LNX2: variants seen among roughly 807,000 people sequenced by gnomAD.
LNX2 encodes the protein ligand of Numb protein X 2.
In LNX2, 35 loss-of-function variants were observed where a neutral mutation model predicts 66.2. That is an observed-to-expected ratio of 0.53 (90% confidence interval 0.40 to 0.70). The LOEUF (loss-of-function observed/expected upper bound fraction) is 0.70, where lower values mean the gene tolerates loss of function less well. Among genes scored for constraint, LNX2 ranks in the 30% least tolerant of loss-of-function variants. LNX2 has a pLI of 0.00. For synonymous variants in LNX2, 337 were observed against 315.6 expected, an observed-to-expected ratio of 1.07 and a Z score of -0.72; for missense variants, 791 against 850.8, an observed-to-expected ratio of 0.93 and a Z score of 0.87.
intron 1 of LNX2, among the ~76,000 whole-genome samples, chr13:27,603,805 G>A (rs1303028826): frequency 6.6e-6 from 1 of 152,016 alleles, no homozygotes; most frequent in East Asian, 1.9e-4. Context: ...AGCTTACAAT[G>A]ACAAACTTCA....
chr13:27,556,451 A>G, intron 6 of LNX2, 38 bp from the exon 7 acceptor site: 1 of 1,555,396 alleles, frequency 6.4e-7, no homozygotes, highest in Non-Finnish European at 8.8e-7. Context: ...GATAATGAAT[A>G]AAATATAGTT....
upstream of LNX2, chr13:27,620,551 A>C (rs1398920485): frequency 5.8e-6 from 1 of 171,336 alleles, no homozygotes; most frequent in Non-Finnish European, 1.2e-5. Flanking sequence ...AACTCCGGCC[A>C]AGACTTCACT....
intron 2 of LNX2, among the ~76,000 whole-genome samples, chr13:27,575,831 A>C (rs1381836493): frequency 1.3e-5 from 2 of 152,210 alleles, no homozygotes; most frequent in Non-Finnish European, 2.9e-5. Flanking sequence ...CCCCAGGGTA[A>C]CCACTAAGAA....
intron 1 of LNX2, among the ~76,000 whole-genome samples, chr13:27,617,675 TACCATACTCATAAAG>T (rs1330513682): frequency 6.6e-6 from 1 of 152,196 alleles, no homozygotes; most frequent in Non-Finnish European, 1.5e-5. Flanking sequence ...TCATAAAGCT[TACCATACTCATAAAG>T]CCTTTCTGTG....
At chr13:27,612,788 C>T (rs116788974) in intron 1 of LNX2, among the ~76,000 whole-genome samples, 2,248 of 152,154 alleles carry the variant, frequency 0.015, 47 homozygotes, top group African/African-American at 0.051. Flanking sequence ...ACAGGTTTCG[C>T]CATGTTGCCC....
chr13:27,583,472 G>A (rs914082852), intron 1 of LNX2, among the ~76,000 whole-genome samples: 6 of 151,864 alleles, frequency 4.0e-5, no homozygotes, highest in Admixed American at 6.6e-5. Flanking sequence ...TGGCCAGGCG[G>A]GTCTCAAACT....
intron 1 of LNX2, among the ~76,000 whole-genome samples, chr13:27,586,645 C>T (rs1368891958): frequency 2.0e-5 from 3 of 152,196 alleles, no homozygotes; most frequent in Non-Finnish European, 4.4e-5. Context: ...TGCCCATGTT[C>T]ATATATGTTT....
intron 1 of LNX2, among the ~76,000 whole-genome samples, chr13:27,604,125 G>A (rs556083109): frequency 6.6e-6 from 1 of 152,254 alleles, no homozygotes; most frequent in South Asian, 2.1e-4. Context: ...GTGGTGGCGG[G>A]CTCCCAGGTA....
intron 4 of LNX2, among the ~76,000 whole-genome samples, chr13:27,566,035 TTAC>T (rs1955201535): frequency 6.6e-6 from 1 of 152,230 alleles, no homozygotes. Context: ...TTCTGAGCAC[TTAC>T]TACAAGCTAT....
intron 1 of LNX2, among the ~76,000 whole-genome samples, chr13:27,583,720 A>G (rs980130079): frequency 1.3e-5 from 2 of 152,218 alleles, no homozygotes; most frequent in African/African-American, 2.4e-5. Flanking sequence ...AAATATTTAC[A>G]TAAGAAGAGA....
chr13:27,587,901 G>A (rs1041059084), intron 1 of LNX2, among the ~76,000 whole-genome samples: 3 of 151,888 alleles, frequency 2.0e-5, no homozygotes, highest in Non-Finnish European at 2.9e-5. Flanking sequence ...AGTGCCTGTA[G>A]TCCCAGCTTC....
At chr13:27,568,951 G>A (rs995718413) in intron 3 of LNX2, 78 bp downstream of exon 3, 2 of 1,414,272 alleles carry the variant, frequency 1.4e-6, no homozygotes, top group Non-Finnish European at 1.9e-6. Flanking sequence ...CTTTAAAGAT[G>A]AAAAAAGTAC....
chr13:27,589,759 T>C (rs1218352637), intron 1 of LNX2, among the ~76,000 whole-genome samples: 1 of 152,198 alleles, frequency 6.6e-6, no homozygotes, highest in Non-Finnish European at 1.5e-5. Context: ...GGAAACAGAA[T>C]TTACATAAAA....
chr13:27,548,564 A>G lies in LNX2; in HGVS notation c.1938-94T>C, dbSNP rs573405833. The G allele has an allele frequency of 2.5e-5, 33 of 1,303,224 alleles. No homozygotes were observed. The East Asian group carries it at 3.9e-4, about 16-fold the overall frequency. 80.7% of individuals were successfully genotyped at this position (1,303,224 alleles called of 1,614,324 possible). A position where few individuals can be genotyped will look rare whatever the true frequency, so the allele number is the denominator to read the frequency against. On this transcript the variant is annotated intron_variant, in intron 9 of 9. Transcript: ENST00000316334. ...TATGTAGCATGAAAAATGCGGTTTC[A>G]CTTACCACTGAACTGTCAATGGTTA...
chr13:27,584,092 C>T (rs9512755), intron 1 of LNX2, among the ~76,000 whole-genome samples: 14,841 of 152,178 alleles, frequency 0.098, 1,024 homozygotes, highest in Non-Finnish European at 0.14. Flanking sequence ...AAAGAAAACA[C>T]ACTCAAGGGA....
chr13:27,555,925 A>T (rs1201061544), intron 7 of LNX2, among the ~76,000 whole-genome samples: 1 of 152,176 alleles, frequency 6.6e-6, no homozygotes, highest in Non-Finnish European at 1.5e-5. Flanking sequence ...AACATTTTTC[A>T]GTGAGATGGC....
At chr13:27,593,663 G>A (rs528182069) in intron 1 of LNX2, among the ~76,000 whole-genome samples, 2 of 150,284 alleles carry the variant, frequency 1.3e-5, no homozygotes, top group Non-Finnish European at 1.5e-5. Flanking sequence ...CGCCTCCTGG[G>A]TTCAAGCGAT....
rs77094093 is a variant in LNX2 at position 27,603,475 on chromosome 13, T to C, written c.-101+16900A>G. ...TGTCCCAGAAACAAGCAAATCACTC[T>C]TGGATATATTATGATATTTTTCAAT... is the stretch of plus-strand genomic sequence containing the variant. On this transcript the variant is annotated intron_variant, in intron 1 of 9. Coordinates refer to ENST00000316334, the MANE Select transcript of LNX2 (RefSeq NM_153371.4). Among the ~76,000 whole-genome samples, 22 of 152,310 alleles carry C rather than the reference T, an allele frequency of 1.4e-4. No homozygotes were observed. The East Asian group carries it at 4.0e-3, about 28-fold the overall frequency.
At chr13:27,576,232 C>G (rs1229293630) in intron 2 of LNX2, among the ~76,000 whole-genome samples, 7 of 152,132 alleles carry the variant, frequency 4.6e-5, no homozygotes, top group African/African-American at 1.7e-4. Flanking sequence ...AACAATAAAG[C>G]TTTTGATACT....
Sources: gnomAD v4.1 joint callset for allele counts (sites outside exome capture counted in the v4.1 genomes callset) on GRCh38, gnomAD v4.1.1 for gene constraint, MANE v1.5 for transcripts, NCBI Gene and HGNC (gene_info 2026-07-23, HGNC 2026-07-21) for gene names.